Variants in OTOGL observed in about 807,000 individuals in gnomAD.
OTOGL encodes the protein otogelin like.
OTOGL carries 285 observed loss-of-function variants against 318.5 expected under a neutral mutation model. The observed-to-expected ratio is 0.89, with a 90% CI of 0.81 to 0.99. The LOEUF (loss-of-function observed/expected upper bound fraction) is 0.99. Among genes scored for constraint, OTOGL ranks in the 50% least tolerant of loss-of-function variants. The pLI is 0.00. For synonymous variants in OTOGL, 987 were observed against 936.5 expected, an observed-to-expected ratio of 1.05 and a Z score of -0.99; for missense variants, 2,899 against 2,845.6, an observed-to-expected ratio of 1.02 and a Z score of -0.43.
Position 80,336,106 on chromosome 12 carries a change from C to G in OTOGL, c.4566C>G (p.Asn1522Lys). Reference protein sequence around the residue: ...CGFRGRPVQVNSDICCPEWEC... With the variant: ...CGFRGRPVQVKSDICCPEWEC... Reference sequence around the variant, plus strand: ...TCCGAGGAAGGCCAGTTCAAGTGAACAGTGATATCTGCTGCCCTGAGTGGG... The same window carrying G: ...TCCGAGGAAGGCCAGTTCAAGTGAAGAGTGATATCTGCTGCCCTGAGTGGG... The change falls in exon 39 of 59, where the codon AAC becomes AAG. Residue 1522 changes from asparagine (N) to lysine (K), a missense_variant. Physicochemically the swap from Asn to Lys is moderately conservative, Grantham distance 94 (BLOSUM62 0). Transcript: ENST00000547103. 1 of 1,598,034 alleles carries G rather than the reference C, an allele frequency of 6.3e-7. No individual in the cohort carries two copies. Among genetic ancestry groups the G allele is most frequent in the Non-Finnish European group, 8.5e-7 (1 of 1,179,170 alleles).
Position 80,256,425 on chromosome 12 carries a change from T to C in OTOGL, c.1676T>C (p.Ile559Thr). The C allele has an allele frequency of 6.3e-7, 1 of 1,588,406 alleles. No individual in the cohort carries two copies. The highest frequency in any genetic ancestry group is 8.5e-7 in the Non-Finnish European group (1 of 1,173,982). ...GTGACCCTTGGTAGGGGAGGACAAA[T>C]TCTCACTAGTCCTAACCAAGGCTTC... is the stretch of plus-strand genomic sequence containing the variant. The part of the protein sequence containing the change: ...KQVTLGRGGQ[I>T]LTSPNQGFNL... Residue 559 changes from isoleucine (I) to threonine (T), a missense_variant, in exon 17 of 59, where the codon ATT becomes ACT. Physicochemically the swap from Ile to Thr is moderately conservative, Grantham distance 89. This residue lies in a region of OTOGL where 2,607 missense variants were observed against 2,524.9 expected (regional missense o/e 1.03). Coordinates refer to ENST00000547103, the MANE Select transcript of OTOGL (RefSeq NM_001378609.3).
chr12:80,341,251 G>A (rs1467438977), intron 43 of OTOGL, among the ~76,000 whole-genome samples: 1 of 152,122 alleles, frequency 6.6e-6, no homozygotes, highest in African/African-American at 2.4e-5. Flanking sequence ...AGAGGCTGCA[G>A]CAGGTCAAGG....
chr12:80,124,374 T>C (rs1304889594), intron 1 of OTOGL, among the ~76,000 whole-genome samples: 2 of 152,188 alleles, frequency 1.3e-5, no homozygotes, highest in Non-Finnish European at 2.9e-5. Flanking sequence ...TTCTGAGGGC[T>C]CTGTTCTGTT....
intron 6 of OTOGL, among the ~76,000 whole-genome samples, chr12:80,221,350 C>T (rs934752563): frequency 1.1e-4 from 17 of 150,946 alleles, no homozygotes; most frequent in Admixed American, 8.6e-4. Context: ...CTGCAACCTC[C>T]GCCTCCTGGG....
chr12:80,355,696 C>T (rs766798319), intron 46 of OTOGL, 40 bp from the exon 47 acceptor site: 1 of 1,516,584 alleles, frequency 6.6e-7, no homozygotes, highest in African/African-American at 1.4e-5. Flanking sequence ...TATTTTAGTG[C>T]CCAGGTTTTG....
chr12:80,332,183 G>T (rs554163407), intron 37 of OTOGL, among the ~76,000 whole-genome samples: 2 of 152,194 alleles, frequency 1.3e-5, no homozygotes, highest in African/African-American at 2.4e-5. Context: ...TATATTTATT[G>T]TATACATGTT....
chr12:80,320,327 C>A, intron 33 of OTOGL, 95 bp from the exon 34 acceptor site: 1 of 1,179,290 alleles, frequency 8.5e-7, no homozygotes, highest in Non-Finnish European at 1.2e-6. Context: ...GGCAATTGTG[C>A]AGTACTATTT....
chr12:80,119,621 GAGTT>G (rs1460219994), intron 1 of OTOGL, among the ~76,000 whole-genome samples: 2 of 152,130 alleles, frequency 1.3e-5, no homozygotes, highest in Non-Finnish European at 2.9e-5. Context: ...TTTCCCATCA[GAGTT>G]AGTGGCCCCT....
At chr12:80,124,186 C>G (rs971277450) in intron 1 of OTOGL, among the ~76,000 whole-genome samples, 2 of 152,188 alleles carry the variant, frequency 1.3e-5, no homozygotes, top group African/African-American at 4.8e-5. Flanking sequence ...ACATTTAAGT[C>G]TTTAATCCAT....
chr12:80,152,081 A>G (rs1872820718), intron 1 of OTOGL, among the ~76,000 whole-genome samples: 1 of 152,172 alleles, frequency 6.6e-6, no homozygotes, highest in African/African-American at 2.4e-5. Context: ...ATTCCATCTT[A>G]GAGTCATCTG....
At chr12:80,308,361 C>T (rs983820089) in intron 29 of OTOGL, among the ~76,000 whole-genome samples, 5 of 151,274 alleles carry the variant, frequency 3.3e-5, no homozygotes, top group African/African-American at 1.2e-4. Context: ...CTCCTCACAT[C>T]CCGGACGGGG....
intron 1 of OTOGL, among the ~76,000 whole-genome samples, chr12:80,190,550 G>T (rs1015575649): frequency 6.6e-6 from 1 of 152,090 alleles, no homozygotes; most frequent in Non-Finnish European, 1.5e-5. Flanking sequence ...CACTTTGGGA[G>T]GCTGAGGCGG....
chr12:80,358,981 C>T (rs1890083887), intron 52 of OTOGL, 81 bp downstream of exon 52: 1 of 1,167,274 alleles, frequency 8.6e-7, no homozygotes, highest in Non-Finnish European at 1.2e-6. Flanking sequence ...TTTCTAAATT[C>T]TTCTTAGAGT....
In OTOGL at chr12:80,377,146, C is replaced by G. The variant is rs763753781; in HGVS notation, c.6805C>G (p.Gln2269Glu). 1 of 1,607,648 alleles carries G rather than the reference C, an allele frequency of 6.2e-7. No homozygotes were observed. Among genetic ancestry groups the G allele is most frequent in the Admixed American group, 1.7e-5 (1 of 59,450 alleles). Reference protein sequence around the residue: ...KICKREERICQKVIIKSVIRK... With the variant: ...KICKREERICEKVIIKSVIRK... ...AGGCAAACGAGAAGAAAGAATATGC[C>G]AGAAAGTGATCATTAAATCGGTCAT... is the stretch of plus-strand genomic sequence containing the variant. Residue 2269 changes from glutamine (Q) to glutamate (E), a missense_variant, in exon 58 of 59, where the codon CAG (glutamine) becomes GAG (glutamate). By Grantham distance (29) the Gln-to-Glu change is conservative (BLOSUM62 2). Transcript: ENST00000547103.
chr12:80,317,832 GA>G lies in OTOGL; in HGVS notation c.3635-709del, dbSNP rs1483154714. Reference sequence around the variant, plus strand: ...GGTGAGTCTCCTGCAGCCAGGCTAAGAAAAATTGTCCACTGTTTCTGCTCAG... The same window carrying G: ...GGTGAGTCTCCTGCAGCCAGGCTAAGAAAATTGTCCACTGTTTCTGCTCAG... On this transcript the variant is annotated intron_variant, in intron 32 of 58. Transcript: ENST00000547103. Among the ~76,000 whole-genome samples the G allele has an allele frequency of 8.5e-5, 13 of 152,200 alleles. No homozygotes were observed. In the East Asian group the frequency reaches 2.5e-3, roughly 29 times the overall value.
intron 1 of OTOGL, among the ~76,000 whole-genome samples, chr12:80,142,466 G>A (rs75464932): frequency 0.025 from 3,779 of 152,194 alleles, 157 homozygotes; most frequent in African/African-American, 0.087. Context: ...TTTCTGTGTT[G>A]TGCCAAGATA....
At chr12:80,257,587 A>C (rs1018484441) in intron 17 of OTOGL, among the ~76,000 whole-genome samples, 1 of 152,034 alleles carries the variant, frequency 6.6e-6, no homozygotes, top group African/African-American at 2.4e-5. Context: ...ATTGACCTGA[A>C]CAACTACTAA....
chr12:80,292,006 G>C (rs1184676777), intron 26 of OTOGL, among the ~76,000 whole-genome samples: 1 of 144,062 alleles, frequency 6.9e-6, no homozygotes, highest in African/African-American at 2.6e-5. Flanking sequence ...TTGTTTTTTT[G>C]AGATGGAGTT....
In OTOGL at chr12:80,287,662, G is replaced by C. The variant is rs1374447427; in HGVS notation, c.2928+8496G>C. 9.2e-5 allele frequency among the ~76,000 whole-genome samples: 14 copies of C among 151,788 alleles called. 1 individual carries two copies. In the South Asian group the frequency reaches 2.9e-3, roughly 32 times the overall value. On this transcript the variant is annotated intron_variant, in intron 26 of 58. Coordinates refer to ENST00000547103, the MANE Select transcript of OTOGL (RefSeq NM_001378609.3). ...TTTACCATTAAGTATATCTTTCTTT[G>C]TCTTTTTTGATCTTTGTTGGTTTAG...
Sources: allele counts gnomAD v4.1 joint callset (sites outside exome capture counted in the v4.1 genomes callset), GRCh38; gene constraint gnomAD v4.1.1; regional missense constraint gnomAD v4.1.1; transcripts MANE v1.5; gene names NCBI Gene and HGNC (gene_info 2026-07-23, HGNC 2026-07-21).